The following GPC5 variants were observed in gnomAD, a reference collection of about 807,000 sequenced individuals.
The protein encoded by GPC5 is glypican-5.
A neutral mutation model predicts 53.9 loss-of-function variants in GPC5; 47 were observed. That is an observed-to-expected ratio of 0.87 (90% CI 0.69 to 1.11). GPC5 has a LOEUF of 1.11. Ranked by LOEUF, GPC5 falls within the 50% of genes most tolerant of loss-of-function variation. The pLI is 0.00. For missense variants in GPC5, 748 were observed against 713.1 expected (o/e 1.05, Z -0.56); for synonymous variants, 286 against 263.3 (o/e 1.09, Z -0.84).
intron 7 of GPC5, among the ~76,000 whole-genome samples, chr13:92,330,479 C>T (rs1250731762): frequency 6.6e-6 from 1 of 152,050 alleles, no homozygotes; most frequent in African/African-American, 2.4e-5. Context: ...CATAGGATTA[C>T]ATACATTAAG....
intron 2 of GPC5, among the ~76,000 whole-genome samples, chr13:91,671,780 C>CAAAAAAGAAAAA (rs2035250251): frequency 3.0e-5 from 1 of 33,124 alleles, no homozygotes; most frequent in Non-Finnish European, 5.8e-5. Flanking sequence ...CAATCTGAAG[C>CAAAAAAGAAAAA]AAAAAAAAAA....
chr13:92,386,194 T>C (rs1874715598), intron 7 of GPC5, among the ~76,000 whole-genome samples: 2 of 152,038 alleles, frequency 1.3e-5, no homozygotes, highest in African/African-American at 4.8e-5. Flanking sequence ...TTTAAACTCA[T>C]GATGGAGAAT....
At chr13:92,337,357 TGTTA>T (rs1165196799) in intron 7 of GPC5, among the ~76,000 whole-genome samples, 1 of 152,286 alleles carries the variant, frequency 6.6e-6, no homozygotes, top group East Asian at 1.9e-4. Context: ...AGTGTGAAGA[TGTTA>T]GTTCTTCACA....
At chr13:91,590,138 A>G (rs2032743883) in intron 2 of GPC5, among the ~76,000 whole-genome samples, 1 of 151,758 alleles carries the variant, frequency 6.6e-6, no homozygotes, top group Non-Finnish European at 1.5e-5. Flanking sequence ...CTTAGAAAAT[A>G]AGAAAAAGTT....
intron 2 of GPC5, among the ~76,000 whole-genome samples, chr13:91,568,983 T>A (rs938026017): frequency 6.6e-6 from 1 of 152,118 alleles, no homozygotes; most frequent in Admixed American, 6.6e-5. Context: ...ACTCTTGACT[T>A]CAGGTGATCC....
At chr13:91,615,296 T>C (rs2033665493) in intron 2 of GPC5, among the ~76,000 whole-genome samples, 1 of 152,168 alleles carries the variant, frequency 6.6e-6, no homozygotes, top group Non-Finnish European at 1.5e-5. Flanking sequence ...CACAAGATAA[T>C]TCCCACATGT....
At chr13:92,003,241 A>G (rs2040572218) in intron 6 of GPC5, among the ~76,000 whole-genome samples, 1 of 151,226 alleles carries the variant, frequency 6.6e-6, no homozygotes, top group South Asian at 2.1e-4. Flanking sequence ...GAATAGCTTG[A>G]ATCTGGGAAG....
At chr13:91,590,574 T>C (rs1487985252) in intron 2 of GPC5, among the ~76,000 whole-genome samples, 1 of 152,172 alleles carries the variant, frequency 6.6e-6, no homozygotes, top group Non-Finnish European at 1.5e-5. Context: ...TATTAGTAAA[T>C]TTAATAGTCC....
intron 7 of GPC5, among the ~76,000 whole-genome samples, chr13:92,242,612 A>C (rs1051857486): frequency 2.0e-5 from 3 of 152,078 alleles, no homozygotes; most frequent in Non-Finnish European, 4.4e-5. Context: ...ATATAAAATA[A>C]AGAAAGAGTC....
chr13:92,560,388 T>C (rs1257998654), intron 7 of GPC5, among the ~76,000 whole-genome samples: 1 of 152,042 alleles, frequency 6.6e-6, no homozygotes, highest in Non-Finnish European at 1.5e-5. Context: ...TGGAACTCAA[T>C]ATGGCCTCTA....
chr13:91,690,330 T>A (rs184414974), intron 2 of GPC5, among the ~76,000 whole-genome samples: 3 of 152,292 alleles, frequency 2.0e-5, no homozygotes, highest in Admixed American at 2.0e-4. Flanking sequence ...TTTTGGTTGT[T>A]TTGTTTTAAA....
intron 2 of GPC5, among the ~76,000 whole-genome samples, chr13:91,689,334 T>C (rs1204782703): frequency 6.7e-6 from 1 of 148,224 alleles, no homozygotes; most frequent in African/African-American, 2.5e-5. Flanking sequence ...TCTAGGTAAG[T>C]CAGTAAGTGA....
rs552322366 is a variant in GPC5, at chr13:92,819,444, A to G, written c.1562-46838A>G. Reference sequence around the variant, plus strand: ...TTCACCAAACTTTAATTCCCTCATTAATAAAATGAAGCTGTTTGCTAACTT... The same window carrying G: ...TTCACCAAACTTTAATTCCCTCATTGATAAAATGAAGCTGTTTGCTAACTT... On this transcript the variant is annotated intron_variant, in intron 7 of 7. Transcript: ENST00000377067. Among the ~76,000 whole-genome samples, 4 of 152,330 alleles carry G rather than the reference A, an allele frequency of 2.6e-5. No homozygotes were observed. In the South Asian group the frequency reaches 8.3e-4, roughly 32 times the overall value.
intron 2 of GPC5, among the ~76,000 whole-genome samples, chr13:91,500,613 AGACTGATATTGGCC>A (rs1405812826): frequency 3.3e-5 from 5 of 152,208 alleles, no homozygotes; most frequent in Non-Finnish European, 7.3e-5. Context: ...GAATAGGCAT[AGACTGATATTGGCC>A]AATCCTGGAG....
chr13:92,281,097 A>AAT (rs1251924908), intron 7 of GPC5, among the ~76,000 whole-genome samples: 2 of 152,186 alleles, frequency 1.3e-5, no homozygotes, highest in East Asian at 3.9e-4. Context: ...ACTGGGAGAT[A>AAT]ATATCCCGTG....
intron 7 of GPC5, among the ~76,000 whole-genome samples, chr13:92,680,521 T>G (rs1027359530): frequency 6.6e-6 from 1 of 152,236 alleles, no homozygotes; most frequent in African/African-American, 2.4e-5. Flanking sequence ...GAATAATGAA[T>G]AGAAAAATAA....
At chr13:92,468,330 G>A (rs565094003) in intron 7 of GPC5, among the ~76,000 whole-genome samples, 2 of 152,200 alleles carry the variant, frequency 1.3e-5, no homozygotes, top group East Asian at 1.9e-4. Context: ...GAAGTGAAGT[G>A]GGAATAGAGA....
At chr13:92,683,210 T>C (rs1282715495) in intron 7 of GPC5, among the ~76,000 whole-genome samples, 2 of 151,244 alleles carry the variant, frequency 1.3e-5, no homozygotes, top group Admixed American at 1.3e-4. Flanking sequence ...AAAGAAAAAA[T>C]GATTTAGAAA....
Position 92,778,827 on chromosome 13 carries a change from G to A in GPC5, c.1562-87455G>A, listed in dbSNP as rs148663663. Among the ~76,000 whole-genome samples the A allele has an allele frequency of 6.1e-3, 931 of 152,156 alleles. 12 individuals are homozygous for A. The highest frequency in any genetic ancestry group is 0.021 in the African/African-American group (888 of 41,496). On this transcript the variant is annotated intron_variant, in intron 7 of 7. Transcript: ENST00000377067. ...CAAAATGACAGTGACTATAAAACAC[G>A]ATCAATAATTTAAAAAGGACTTCAA...
Sources: gnomAD v4.1 joint callset for allele counts (sites outside exome capture counted in the v4.1 genomes callset) on GRCh38, gnomAD v4.1.1 for gene constraint, MANE v1.5 for transcripts, NCBI Gene and HGNC (gene_info 2026-07-23, HGNC 2026-07-21) for gene names.